DCAF8L2: variants seen among roughly 807,000 people sequenced by gnomAD.
DCAF8L2 encodes the protein DDB1 and CUL4 associated factor 8 like 2, also known as DDB1- and CUL4-associated factor 8-like protein 2.
For synonymous variants in DCAF8L2, 200 were observed against 190.9 expected (o/e 1.05, Z -0.39); for missense variants, 430 against 490.7 (o/e 0.88, Z 1.17).
intron 1 of DCAF8L2, among the ~76,000 whole-genome samples, chrX:27,596,603 A>G (rs1926369217): frequency 9.0e-6 from 1 of 111,585 alleles, no homozygotes; most frequent in South Asian, 3.7e-4. Context: ...TTCACCTAGC[A>G]GCCTTCCAAA....
the DCAF8L2 span, among the ~76,000 whole-genome samples, chrX:27,513,057 A>G: frequency 2.7e-5 from 3 of 111,548 alleles, no homozygotes; most frequent in Non-Finnish European, 5.6e-5. Flanking sequence ...GAAGAATGAA[A>G]CTAGACCCCT....
the DCAF8L2 span, among the ~76,000 whole-genome samples, chrX:27,493,819 T>C: frequency 2.1e-4 from 23 of 110,932 alleles, no homozygotes; most frequent in Non-Finnish European, 5.7e-5. Flanking sequence ...ACGTGACCTC[T>C]AATCTATTTT....
chrX:27,651,356 A>T (rs920735668), intron 2 of DCAF8L2, among the ~76,000 whole-genome samples: 6 of 110,478 alleles, frequency 5.4e-5, no homozygotes. Flanking sequence ...GTATCTAAGA[A>T]TTTGTGATTT....
chrX:27,602,061 T>C (rs1412449255), intron 1 of DCAF8L2, among the ~76,000 whole-genome samples: 1 of 112,142 alleles, frequency 8.9e-6, no homozygotes, highest in Non-Finnish European at 1.9e-5. Flanking sequence ...TGCTTTCTTT[T>C]TTCTTTCTTT....
At chrX:27,566,277 TTTTCAGGCTGC>T in the DCAF8L2 span, among the ~76,000 whole-genome samples, 6 of 111,229 alleles carry the variant, frequency 5.4e-5, no homozygotes, top group Non-Finnish European at 1.1e-4. Flanking sequence ...GCAGCTTGAG[TTTTCAGGCTGC>T]TCTTTTGTTA....
intron 1 of DCAF8L2, chrX:27,627,230 A>G: frequency 8.9e-6 from 1 of 111,741 alleles, no homozygotes; most frequent in East Asian, 2.8e-4. Context: ...TAGAAAGAGG[A>G]ATATTAGGCA....
the DCAF8L2 span, among the ~76,000 whole-genome samples, chrX:27,473,900 G>T: frequency 9.0e-6 from 1 of 110,924 alleles, no homozygotes; most frequent in African/African-American, 3.3e-5. Context: ...TATTCTTGAG[G>T]TTGCTCTGGG....
chrX:27,479,060 T>TTC, the DCAF8L2 span, among the ~76,000 whole-genome samples: 6 of 111,031 alleles, frequency 5.4e-5, no homozygotes, highest in East Asian at 2.9e-4. Flanking sequence ...ACTTTTGTCT[T>TTC]TCTCTCTCTC....
At chrX:27,628,666 C>T (rs1036815063) in intron 1 of DCAF8L2, among the ~76,000 whole-genome samples, 6 of 106,665 alleles carry the variant, frequency 5.6e-5, no homozygotes, top group African/African-American at 6.9e-5. Context: ...TGCAGTGGCG[C>T]GATCTCGGCT....
Position 27,747,372 on chromosome X carries a change from C to A in DCAF8L2, c.477C>A (p.Asn159Lys), listed in dbSNP as rs775790927. ...PRAGPQGSGG[N>K]HEQYSLEEDQ... ...CGGGTCCACAAGGCAGTGGCGGCAACCATGAGCAGTATTCGTTAGAGGAGG... is the reference window on the plus strand; with the variant it reads ...CGGGTCCACAAGGCAGTGGCGGCAAACATGAGCAGTATTCGTTAGAGGAGG... Residue 159 changes from asparagine to lysine, a missense_variant, in exon 5 of 5, where the codon AAC (asparagine) becomes AAA (lysine). Physicochemically the swap from Asn to Lys is moderately conservative, Grantham distance 94. Transcript: ENST00000451261. The A allele has an allele frequency of 3.1e-5, 36 of 1,162,217 alleles. No homozygotes were observed. In the Admixed American group the frequency reaches 8.1e-4, roughly 26 times the overall value.
chrX:27,536,242 T>C, the DCAF8L2 span, among the ~76,000 whole-genome samples: 1 of 112,894 alleles, frequency 8.9e-6, no homozygotes, highest in Non-Finnish European at 1.9e-5. Flanking sequence ...ATTAATTAAC[T>C]ATGTTTTTAA....
At chrX:27,720,455 G>GCT (rs1156496248) in intron 4 of DCAF8L2, among the ~76,000 whole-genome samples, 1 of 110,596 alleles carries the variant, frequency 9.0e-6, no homozygotes, top group Non-Finnish European at 1.9e-5. Flanking sequence ...CTCACTGCAA[G>GCT]CTCTGCCTCC....
chrX:27,630,555 G>T (rs1375800475), intron 1 of DCAF8L2, among the ~76,000 whole-genome samples: 1 of 111,401 alleles, frequency 9.0e-6, no homozygotes, highest in Non-Finnish European at 1.9e-5. Flanking sequence ...GCCAGACAAA[G>T]ATATTACAAG....
chrX:27,669,879 G>C (rs1929884115), intron 2 of DCAF8L2, among the ~76,000 whole-genome samples: 1 of 111,538 alleles, frequency 9.0e-6, no homozygotes, highest in African/African-American at 3.3e-5. Flanking sequence ...ATCATTGCTG[G>C]ACATTTGGGT....
At chrX:27,726,725 C>G (rs73628824) in intron 4 of DCAF8L2, among the ~76,000 whole-genome samples, 1,727 of 111,698 alleles carry the variant, frequency 0.015, 37 homozygotes, top group African/African-American at 0.053. Context: ...TGAGATTTAT[C>G]CATAATGTTT....
At chrX:27,711,781 AT>A (rs1931541836) in intron 3 of DCAF8L2, among the ~76,000 whole-genome samples, 1 of 110,798 alleles carries the variant, frequency 9.0e-6, no homozygotes, top group South Asian at 3.8e-4. Flanking sequence ...GGTTGGTATA[AT>A]TTCTCAAATG....
At chrX:27,616,694 GC>G (rs1287649995) in intron 1 of DCAF8L2, among the ~76,000 whole-genome samples, 1 of 111,256 alleles carries the variant, frequency 9.0e-6, no homozygotes, top group African/African-American at 3.3e-5. Flanking sequence ...AGGAATTGCT[GC>G]CCTAGACCCA....
At chrX:27,617,965 C>T (rs1927557205) in intron 1 of DCAF8L2, among the ~76,000 whole-genome samples, 1 of 111,646 alleles carries the variant, frequency 9.0e-6, no homozygotes, top group Non-Finnish European at 1.9e-5. Context: ...ATGGTTCTAA[C>T]ATATGGAAGC....
chrX:27,684,257 C>A (rs926577658), intron 3 of DCAF8L2, among the ~76,000 whole-genome samples: 1 of 111,246 alleles, frequency 9.0e-6, no homozygotes, highest in Non-Finnish European at 1.9e-5. Context: ...CATTAGGAAA[C>A]AAAGGGGAAG....
Sources: gnomAD v4.1 joint callset for allele counts (sites outside exome capture counted in the v4.1 genomes callset) on GRCh38, gnomAD v4.1.1 for gene constraint, MANE v1.5 for transcripts, NCBI Gene and HGNC (gene_info 2026-07-23, HGNC 2026-07-21) for gene names.